FNIP2: variants seen among roughly 807,000 people sequenced by gnomAD.
FNIP2 encodes the protein folliculin-interacting protein 2.
FNIP2 carries 32 observed loss-of-function variants against 108.7 expected under a neutral mutation model. The observed-to-expected ratio is 0.29, with a 90% confidence interval of 0.22 to 0.40. The LOEUF is 0.40. FNIP2 is among the 10% of genes least tolerant of loss of function. The probability of loss-of-function intolerance (pLI) is 1.00; values close to 1 mark genes in which losing one functional copy is unlikely to be tolerated. For synonymous variants in FNIP2, 480 were observed against 496.7 expected (o/e 0.97, Z 0.45); for missense variants, 1,202 against 1,381.6 (o/e 0.87, Z 2.06).
At chr4:158,865,315 T>A (rs907826801) in intron 12 of FNIP2, among the ~76,000 whole-genome samples, 1 of 152,164 alleles carries the variant, frequency 6.6e-6, no homozygotes, top group African/African-American at 2.4e-5. Flanking sequence ...TTCTAAAAAT[T>A]AGCTTCAATT....
intron 1 of FNIP2, among the ~76,000 whole-genome samples, chr4:158,812,202 T>C (rs1343876392): frequency 6.6e-6 from 1 of 152,224 alleles, no homozygotes; most frequent in Non-Finnish European, 1.5e-5. Flanking sequence ...TATTTAAGCA[T>C]TATTCTCTCT....
At chr4:158,792,576 A>G (rs1776455816) in intron 1 of FNIP2, among the ~76,000 whole-genome samples, 2 of 152,214 alleles carry the variant, frequency 1.3e-5, no homozygotes, top group African/African-American at 2.4e-5. Context: ...TATGCATGAA[A>G]TAGGGTATCT....
rs745570175 is a variant in FNIP2 at position 158,861,434 on chromosome 4, G to A, written c.1241G>A (p.Cys414Tyr). The change falls in exon 11 of 17, where the codon TGC becomes TAC. Residue 414 changes from cysteine to tyrosine, a missense_variant. Transcript: ENST00000264433. ...MSGTLEKNQL[C>Y]QRFLKEFTLL... ...GGCACTTTGGAAAAAAACCAGCTCT[G>A]CCAGCGCTTTCTCAAGGAGTTTACA... is the stretch of plus-strand genomic sequence containing the variant. 2 of 1,614,000 alleles carry A rather than the reference G, an allele frequency of 1.2e-6. No homozygotes were observed. The highest frequency in any genetic ancestry group is 8.5e-7 in the Non-Finnish European group (1 of 1,179,890).
chr4:158,885,856 C>A (rs1389268159), intron 14 of FNIP2, among the ~76,000 whole-genome samples: 1 of 152,142 alleles, frequency 6.6e-6, no homozygotes. Flanking sequence ...TTATTGTTGC[C>A]CTTTGTTGAA....
chr4:158,890,412 C>T (rs1053186469), intron 14 of FNIP2: 4 of 923,156 alleles, frequency 4.3e-6, no homozygotes, highest in Non-Finnish European at 5.2e-6. Flanking sequence ...CATCTCACCA[C>T]TCTCTTTCCC....
chr4:158,801,461 AG>A (rs1776760230), intron 1 of FNIP2, among the ~76,000 whole-genome samples: 1 of 152,158 alleles, frequency 6.6e-6, no homozygotes, highest in Non-Finnish European at 1.5e-5. Context: ...GATCTGTCCC[AG>A]TGGTCAGGCG....
chr4:158,835,491 T>C lies in FNIP2; in HGVS notation c.727+15T>C. The C allele has an allele frequency of 6.2e-7, 1 of 1,608,488 alleles. No individual in the cohort carries two copies. Among genetic ancestry groups the C allele is most frequent in the Non-Finnish European group, 8.5e-7 (1 of 1,176,090 alleles). On this transcript the variant is annotated intron_variant, in intron 7 of 16. Coordinates refer to ENST00000264433, the MANE Select transcript of FNIP2 (RefSeq NM_020840.3). ...TGCTCGATCAGGTACTTGTACTCTG[T>C]TTATTGGTTTAACTAACAGAGTGAA...
intron 1 of FNIP2, among the ~76,000 whole-genome samples, chr4:158,790,746 CTAAAATAAAATG>C (rs1256600292): frequency 2.0e-5 from 3 of 151,734 alleles, no homozygotes; most frequent in Admixed American, 2.0e-4. Context: ...GACCTTGTCT[CTAAAATAAAATG>C]TAAAATAAAA....
intron 1 of FNIP2, among the ~76,000 whole-genome samples, chr4:158,811,293 C>CA: frequency 6.6e-6 from 1 of 152,142 alleles, no homozygotes; most frequent in African/African-American, 2.4e-5. Flanking sequence ...CCTTTTTTCT[C>CA]ACTATGCCAT....
chr4:158,795,689 G>A (rs986534603), intron 1 of FNIP2, among the ~76,000 whole-genome samples: 3 of 152,198 alleles, frequency 2.0e-5, no homozygotes, highest in African/African-American at 7.2e-5. Context: ...GGGCAAGGGA[G>A]CGAAGCTTCA....
intron 1 of FNIP2, among the ~76,000 whole-genome samples, chr4:158,802,333 C>G (rs924704639): frequency 6.6e-6 from 1 of 151,810 alleles, no homozygotes; most frequent in Non-Finnish European, 1.5e-5. Flanking sequence ...TTTATTTCTC[C>G]TTTTTTTCTC....
chr4:158,822,956 C>T lies in FNIP2; in HGVS notation c.108-2960C>T, dbSNP rs146736611. Among the ~76,000 whole-genome samples, 463 of 152,008 alleles carry T rather than the reference C, an allele frequency of 3.0e-3. 1 individual carries two copies. The highest frequency in any genetic ancestry group is 4.8e-3 in the Non-Finnish European group (324 of 67,936). On this transcript the variant is annotated intron_variant, in intron 1 of 16. Transcript: ENST00000264433. Reference sequence around the variant, plus strand: ...AACAATTGTCCATGATTTTTATTTCCATCCTTTTTTCATTGAAAAATAACA... The same window carrying T: ...AACAATTGTCCATGATTTTTATTTCTATCCTTTTTTCATTGAAAAATAACA...
At position 158,905,654 on chromosome 4, in the gene FNIP2, A is replaced by C. The variant is rs1294483729; in HGVS notation, c.*1110A>C. 6.6e-6 allele frequency: 1 copy of C among 151,126 alleles called. No individual in the cohort carries two copies. Among genetic ancestry groups the C allele is most frequent in the Non-Finnish European group, 1.5e-5 (1 of 67,878 alleles). 9.4% of individuals were successfully genotyped at this position (151,126 alleles called of 1,614,324 possible). A position where few individuals can be genotyped will look rare whatever the true frequency, so the allele number is the denominator to read the frequency against. On this transcript the variant is annotated 3_prime_UTR_variant, in exon 17 of 17. Transcript: ENST00000264433. Reference sequence around the variant, plus strand: ...CATCTTTCCAGACATTAACTTACACATTGTATAAAACCGACCAAAATGATT... The same window carrying C: ...CATCTTTCCAGACATTAACTTACACCTTGTATAAAACCGACCAAAATGATT...
At position 158,868,382 on chromosome 4, in the gene FNIP2, C is replaced by T; in HGVS notation, c.1746C>T (p.Ile582=). 6.2e-7 allele frequency: 1 copy of T among 1,613,986 alleles called. No individual in the cohort carries two copies. The highest frequency in any genetic ancestry group is 1.1e-5 in the South Asian group (1 of 91,080). ...ACGAGCCCGCTCTTGTACCCCCCATCCTACCACCAACAGCAGCAGAGAGAC... is the reference window on the plus strand; with the variant it reads ...ACGAGCCCGCTCTTGTACCCCCCATTCTACCACCAACAGCAGCAGAGAGAC... ...VRNEPALVPP[I]LPPTAAERHN... is the part of the protein sequence containing the mutation. The change falls in exon 13 of 17, where the codon ATC becomes ATT. Residue 582 remains isoleucine (I), a synonymous_variant. Transcript: ENST00000264433. This position sits in a 1 kb window ranked among gnomAD's most constrained non-coding sequence, Gnocchi z 4.6.
rs371125189 is a variant in FNIP2, at chr4:158,868,510, G to T, written c.1874G>T (p.Gly625Val). Residue 625 changes from glycine to valine, a missense_variant, in exon 13 of 17, where the codon GGT (glycine) becomes GTT (valine). By Grantham distance (109) the Gly-to-Val change is moderately radical (BLOSUM62 -3). Transcript: ENST00000264433. The surrounding 1 kb of genome is among the most constrained non-coding windows in gnomAD (Gnocchi z 4.6). ...DKEANRRPEQ[G>V]SEACSAGCLG... ...GAAGCTAACAGGAGGCCAGAGCAGG[G>T]TTCTGAGGCTTGCAGCGCAGGGTGC... 1 of 1,613,996 alleles carries T rather than the reference G, an allele frequency of 6.2e-7. No homozygotes were observed. Among genetic ancestry groups the T allele is most frequent in the Non-Finnish European group, 8.5e-7 (1 of 1,179,878 alleles).
intron 1 of FNIP2, chr4:158,806,512 G>A (rs1776967852): frequency 1.0e-6 from 1 of 979,752 alleles, no homozygotes. Flanking sequence ...TGATCTGAAA[G>A]TTGTTGTTTC....
chr4:158,770,087 C>A (rs1578805630), intron 1 of FNIP2, among the ~76,000 whole-genome samples: 1 of 152,248 alleles, frequency 6.6e-6, no homozygotes, highest in Admixed American at 6.5e-5. Context: ...TCCCATTTTA[C>A]AGGTGAGGAA....
intron 14 of FNIP2, among the ~76,000 whole-genome samples, chr4:158,875,527 T>TATATAC (rs1560823566): frequency 7.2e-6 from 1 of 139,190 alleles, no homozygotes; most frequent in Non-Finnish European, 1.5e-5. Context: ...TATATATATA[T>TATATAC]ATATATATAT....
intron 6 of FNIP2, 23 bp downstream of exon 6, chr4:158,833,651 ATTCT>A (rs755232554): frequency 1.5e-5 from 24 of 1,581,050 alleles, no homozygotes; most frequent in Non-Finnish European, 1.9e-5. Flanking sequence ...ATACAAACAA[ATTCT>A]TTCTTTCTGA....
Sources: gnomAD v4.1 joint callset for allele counts (sites outside exome capture counted in the v4.1 genomes callset) on GRCh38, gnomAD v4.1.1 for gene constraint, Gnocchi (gnomAD v3.1) non-coding constraint, MANE v1.5 for transcripts, NCBI Gene and HGNC (gene_info 2026-07-23, HGNC 2026-07-21) for gene names.